Variants in ASTN2 observed in about 807,000 individuals in gnomAD.
The protein encoded by ASTN2 is astrotactin-2.
Under a neutral mutation model 139.8 loss-of-function variants are expected in ASTN2, and 54 were observed. That is an observed-to-expected ratio of 0.39 (90% CI 0.31 to 0.48). ASTN2 has a LOEUF of 0.48. ASTN2 is among the 20% of genes least tolerant of loss of function. ASTN2 has a pLI of 0.95. For missense variants in ASTN2, 1,565 were observed against 1,725.1 expected (o/e 0.91, Z 1.64); for synonymous variants, 756 against 719.5 (o/e 1.05, Z -0.81).
At chr9:116,641,251 C>T (rs1237491831) in intron 17 of ASTN2, among the ~76,000 whole-genome samples, 1 of 152,154 alleles carries the variant, frequency 6.6e-6, no homozygotes, top group African/African-American at 2.4e-5. Context: ...GAGAAGGTAA[C>T]TGAATGCAAT....
intron 10 of ASTN2, among the ~76,000 whole-genome samples, chr9:116,890,093 T>A (rs16934016): frequency 0.06 from 9,149 of 152,224 alleles, 593 homozygotes; most frequent in African/African-American, 0.17. Context: ...GGTATTGAAC[T>A]GAGTTTGTAT....
At chr9:117,378,868 T>C (rs939420866) in intron 1 of ASTN2, among the ~76,000 whole-genome samples, 5 of 152,206 alleles carry the variant, frequency 3.3e-5, no homozygotes, top group Non-Finnish European at 7.4e-5. Context: ...GATTGGATTC[T>C]GGGGACGGAT....
intron 13 of ASTN2, among the ~76,000 whole-genome samples, chr9:116,761,678 G>A (rs1057006241): frequency 1.3e-5 from 2 of 152,156 alleles, no homozygotes; most frequent in Non-Finnish European, 2.9e-5. Context: ...TGGGAACAGT[G>A]ACGGGAGACA....
chr9:116,425,976 G>A lies in ASTN2; in HGVS notation c.3895C>T (p.Arg1299Cys), dbSNP rs764465848. The change falls in exon 23 of 23, where the codon CGC (arginine) becomes TGC (cysteine). Residue 1299 changes from arginine (R) to cysteine (C), a missense_variant. This residue lies in a region of ASTN2 where 418 missense variants were observed against 465.8 expected (regional missense o/e 0.90). Coordinates refer to ENST00000313400, the MANE Select transcript of ASTN2 (RefSeq NM_001365068.1). ...RVETVPYLFC[R>C]SEEVRPAGMV... ...CCTGCAGGCCGGACCTCCTCGCTGCGGCAGAAAAGATAGGGCACTGTTTCC... is the reference window on the plus strand; with the variant it reads ...CCTGCAGGCCGGACCTCCTCGCTGCAGCAGAAAAGATAGGGCACTGTTTCC... 17 of 1,614,000 alleles carry A rather than the reference G, an allele frequency of 1.1e-5. No individual in the cohort carries two copies. The highest frequency in any genetic ancestry group is 6.6e-5 in the South Asian group (6 of 91,082).
chr9:117,104,679 C>A (rs965820775), intron 4 of ASTN2, among the ~76,000 whole-genome samples: 4 of 152,086 alleles, frequency 2.6e-5, no homozygotes, highest in African/African-American at 9.7e-5. Context: ...GGTGGTTTTT[C>A]TCTGGATGAT....
intron 19 of ASTN2, among the ~76,000 whole-genome samples, chr9:116,536,600 T>C (rs1461917093): frequency 1.3e-5 from 2 of 152,260 alleles, no homozygotes; most frequent in East Asian, 3.9e-4. Context: ...TGCAGGTCTG[T>C]TGGAGTTTGC....
chr9:117,329,153 G>A lies in ASTN2; in HGVS notation c.443-37640C>T, dbSNP rs1415882453. ...GCTGTTGCACCTTCTTCCAGGCCAA[G>A]CAGGTAACCTACTGCACTTCCAAGT... is the stretch of plus-strand genomic sequence containing the variant. On this transcript the variant is annotated intron_variant, in intron 1 of 22. Coordinates refer to ENST00000313400, the MANE Select transcript of ASTN2 (RefSeq NM_001365068.1). Among the ~76,000 whole-genome samples the A allele has an allele frequency of 2.7e-5, 4 of 145,894 alleles. No homozygotes were observed. In the East Asian group the frequency reaches 6.2e-4, roughly 23 times the overall value.
chr9:117,058,067 G>A (rs1564405070), intron 5 of ASTN2, among the ~76,000 whole-genome samples: 2 of 152,070 alleles, frequency 1.3e-5, no homozygotes, highest in Non-Finnish European at 2.9e-5. Flanking sequence ...AGGTAGAGAG[G>A]GATACAGAAC....
At chr9:116,676,570 T>C (rs1859514953) in intron 16 of ASTN2, among the ~76,000 whole-genome samples, 2 of 152,210 alleles carry the variant, frequency 1.3e-5, no homozygotes, top group Admixed American at 6.5e-5. Context: ...GGGGATACTT[T>C]CTTTTGGTTT....
At chr9:117,089,513 G>GTT (rs143902003) in intron 5 of ASTN2, among the ~76,000 whole-genome samples, 204 of 151,368 alleles carry the variant, frequency 1.3e-3, no homozygotes, top group African/African-American at 4.2e-3. Flanking sequence ...TATTTTTTGT[G>GTT]TTTTTTTCCC....
At chr9:117,264,408 C>T (rs1833895746) in intron 2 of ASTN2, among the ~76,000 whole-genome samples, 1 of 152,172 alleles carries the variant, frequency 6.6e-6, no homozygotes, top group African/African-American at 2.4e-5. Flanking sequence ...ATAATTTCTC[C>T]AAATATTAGC....
chr9:117,221,057 T>A (rs1832499093), intron 2 of ASTN2, among the ~76,000 whole-genome samples: 1 of 152,208 alleles, frequency 6.6e-6, no homozygotes, highest in African/African-American at 2.4e-5. Flanking sequence ...AGGTGCTTAA[T>A]AAACACATCC....
At chr9:116,972,119 T>C (rs1476277980) in intron 10 of ASTN2, among the ~76,000 whole-genome samples, 1 of 152,232 alleles carries the variant, frequency 6.6e-6, no homozygotes, top group Non-Finnish European at 1.5e-5. Context: ...CCACTTGTAG[T>C]TCCCCATGTC....
intron 1 of ASTN2, among the ~76,000 whole-genome samples, chr9:117,351,820 C>A (rs1286947624): frequency 1.3e-5 from 2 of 152,084 alleles, no homozygotes; most frequent in African/African-American, 2.4e-5. Flanking sequence ...GGTGCTATAG[C>A]CATCTTGGAG....
intron 16 of ASTN2, among the ~76,000 whole-genome samples, chr9:116,718,082 A>T (rs1828364112): frequency 2.0e-5 from 3 of 152,250 alleles, no homozygotes; most frequent in Admixed American, 2.0e-4. Flanking sequence ...CAAACAGGTT[A>T]TGTGTAGCAA....
intron 19 of ASTN2, among the ~76,000 whole-genome samples, chr9:116,571,921 C>T (rs1353770378): frequency 6.6e-6 from 1 of 152,080 alleles, no homozygotes; most frequent in Non-Finnish European, 1.5e-5. Flanking sequence ...GTGTTGGTAT[C>T]TGTGTGTTGC....
intron 15 of ASTN2, 22 bp from the exon 16 acceptor site, chr9:116,725,972 G>A (rs894945186): frequency 1.9e-6 from 3 of 1,599,230 alleles, no homozygotes; most frequent in Admixed American, 1.7e-5. Context: ...AGGAGCATGT[G>A]GAGGTGGTCA....
chr9:116,437,280 C>A (rs1028738171), intron 22 of ASTN2: 30 of 470,834 alleles, frequency 6.4e-5, no homozygotes, highest in Admixed American at 5.6e-4. Context: ...AGCGGCAGAG[C>A]CCAGGGTTGC....
Position 117,230,039 on chromosome 9 carries a change from C to T in ASTN2, c.631-15297G>A, listed in dbSNP as rs117951740. Among the ~76,000 whole-genome samples the T allele has an allele frequency of 1.1e-4, 16 of 151,534 alleles. No individual in the cohort carries two copies. In the East Asian group the frequency reaches 2.9e-3, roughly 28 times the overall value. The stretch of plus-strand genomic sequence containing the variant: ...ATAAAAATAAAAAAAGGCATGGTAG[C>T]GCACATCTAGCCCCAGCTACTCAGG... On this transcript the variant is annotated intron_variant, in intron 2 of 22. Coordinates refer to ENST00000313400, the MANE Select transcript of ASTN2 (RefSeq NM_001365068.1).
Sources: gnomAD v4.1 joint callset for allele counts (sites outside exome capture counted in the v4.1 genomes callset) on GRCh38, gnomAD v4.1.1 for gene constraint, gnomAD v4.1.1 regional missense constraint, MANE v1.5 for transcripts, NCBI Gene and HGNC (gene_info 2026-07-23, HGNC 2026-07-21) for gene names.